The following PARD3 variants were observed in gnomAD, a reference collection of about 807,000 sequenced individuals.
PARD3 encodes par-3 family cell polarity regulator.
PARD3 carries 75 observed loss-of-function variants against 155.4 expected under a neutral mutation model. The ratio of observed to expected loss-of-function variants is 0.48; its 90% CI spans 0.40 to 0.58. The LOEUF (loss-of-function observed/expected upper bound fraction) is 0.58. Ranked by LOEUF, PARD3 falls within the 20% of genes least tolerant of loss-of-function variation. The pLI is 0.00. For synonymous variants in PARD3, 576 were observed against 610.5 expected (o/e 0.94, Z 0.83); for missense variants, 1,642 against 1,721.7 (o/e 0.95, Z 0.82).
chr10:34,268,093 A>T (rs1182018480), intron 22 of PARD3, among the ~76,000 whole-genome samples: 1 of 152,228 alleles, frequency 6.6e-6, no homozygotes, highest in African/African-American at 2.4e-5. Context: ...TTATTTGTGA[A>T]CTAAACTCCT....
At chr10:34,442,844 C>A (rs890783314) in intron 5 of PARD3, among the ~76,000 whole-genome samples, 34 of 152,178 alleles carry the variant, frequency 2.2e-4, no homozygotes, top group African/African-American at 8.2e-4. Context: ...GCACCCCAGT[C>A]TGGGCAACAG....
chr10:34,789,183 A>C (rs997749272), intron 1 of PARD3, among the ~76,000 whole-genome samples: 2 of 152,228 alleles, frequency 1.3e-5, no homozygotes, highest in East Asian at 1.9e-4. Flanking sequence ...TCCCAGCACT[A>C]CTGGAGGCCA....
chr10:34,663,209 TC>T (rs2093368237), intron 2 of PARD3, among the ~76,000 whole-genome samples: 1 of 152,128 alleles, frequency 6.6e-6, no homozygotes, highest in Non-Finnish European at 1.5e-5. Flanking sequence ...ATGCCTGTAA[TC>T]CTAGCACTTT....
At position 34,694,958 on chromosome 10, in the gene PARD3, G is replaced by A. The variant is rs1303309044; in HGVS notation, c.222+1360C>T. Among the ~76,000 whole-genome samples, 6 of 152,262 alleles carry A rather than the reference G, an allele frequency of 3.9e-5. No individual in the cohort carries two copies. The South Asian group carries it at 1.0e-3, about 26-fold the overall frequency. On this transcript the variant is annotated intron_variant, in intron 2 of 24. Coordinates refer to ENST00000374788, the MANE Select transcript of PARD3 (RefSeq NM_001184785.2). Reference sequence around the variant, plus strand: ...CTGAGGGAAAGAAGAGCAGGCCGGTGGGGAGAGGGCCAGGAATGAGAAGGA... The same window carrying A: ...CTGAGGGAAAGAAGAGCAGGCCGGTAGGGAGAGGGCCAGGAATGAGAAGGA...
In PARD3 at chr10:34,382,916, T is replaced by C; in HGVS notation, c.1023A>G (p.Gln341=). 1 of 1,613,804 alleles carries C rather than the reference T, an allele frequency of 6.2e-7. No individual in the cohort carries two copies. Among genetic ancestry groups the C allele is most frequent in the South Asian group, 1.1e-5 (1 of 90,926 alleles). ...DLRNRRFEQA[Q]HMFRQAMRTP... The stretch of plus-strand genomic sequence containing the variant: ...TACGCATGGCTTGGCGAAACATATG[T>C]TGTGCTCTGGGTTTGAGAAAGAATA... The change falls in exon 9 of 25, where the codon CAA becomes CAG. Residue 341 remains glutamine (Q), a synonymous_variant. Transcript: ENST00000374788.
intron 22 of PARD3, among the ~76,000 whole-genome samples, chr10:34,192,776 T>TATAA (rs1403898174): frequency 6.6e-6 from 1 of 152,140 alleles, no homozygotes; most frequent in East Asian, 1.9e-4. Context: ...ATCTGTGTTA[T>TATAA]CTCCAGGCTT....
At chr10:34,265,052 A>G (rs1433941897) in intron 22 of PARD3, among the ~76,000 whole-genome samples, 1 of 152,168 alleles carries the variant, frequency 6.6e-6, no homozygotes, top group Non-Finnish European at 1.5e-5. Context: ...TGCCCGGCCT[A>G]CGCCAACATT....
chr10:34,499,717 G>A (rs1019783977), intron 3 of PARD3, among the ~76,000 whole-genome samples: 4 of 152,160 alleles, frequency 2.6e-5, no homozygotes, highest in Admixed American at 2.0e-4. Context: ...AGCCAACTCT[G>A]CCCAAGACCA....
chr10:34,281,037 T>A (rs552438879), intron 21 of PARD3, among the ~76,000 whole-genome samples: 1 of 152,246 alleles, frequency 6.6e-6, no homozygotes, highest in East Asian at 1.9e-4. Flanking sequence ...CATGGAGGTA[T>A]CACTGGAGCA....
intron 3 of PARD3, among the ~76,000 whole-genome samples, chr10:34,485,337 CA>C (rs35292075): frequency 0.53 from 74,105 of 139,824 alleles, 21,759 homozygotes; most frequent in African/African-American, 0.85. Context: ...GACTCTGTCT[CA>C]AAAAAAAAAA....
intron 3 of PARD3, among the ~76,000 whole-genome samples, chr10:34,504,031 T>A (rs1305989138): frequency 6.6e-6 from 1 of 152,156 alleles, no homozygotes; most frequent in Non-Finnish European, 1.5e-5. Flanking sequence ...AAAAACGAGC[T>A]TTACTCTGGG....
At chr10:34,714,775 A>AAT (rs1310931073) in intron 1 of PARD3, among the ~76,000 whole-genome samples, 17 of 144,356 alleles carry the variant, frequency 1.2e-4, no homozygotes, top group Admixed American at 9.0e-4. Context: ...ACACATCAAA[A>AAT]TTTTTTTTTT....
intron 22 of PARD3, among the ~76,000 whole-genome samples, chr10:34,179,749 TA>T (rs1306750332): frequency 5.3e-5 from 8 of 152,082 alleles, no homozygotes; most frequent in Non-Finnish European, 5.9e-5. Context: ...GAGTCCAAGG[TA>T]AAAAAGCAAA....
chr10:34,664,615 A>G (rs2093405519), intron 2 of PARD3, among the ~76,000 whole-genome samples: 1 of 152,012 alleles, frequency 6.6e-6, no homozygotes, highest in Admixed American at 6.5e-5. Context: ...CCTCCTGGGT[A>G]GCTGGGATTA....
chr10:34,814,309 G>A (rs894818598), intron 1 of PARD3, among the ~76,000 whole-genome samples: 7 of 152,074 alleles, frequency 4.6e-5, no homozygotes, highest in South Asian at 4.1e-4. Flanking sequence ...GCCCCTGCCG[G>A]CCCCTACCAG....
chr10:34,335,140 C>T (rs185057469), intron 18 of PARD3, among the ~76,000 whole-genome samples: 1 of 151,864 alleles, frequency 6.6e-6, no homozygotes, highest in Non-Finnish European at 1.5e-5. Context: ...CTTTAGGTTT[C>T]ATAAGAACAA....
At chr10:34,525,724 GAAAAAA>G in intron 2 of PARD3, among the ~76,000 whole-genome samples, 1 of 147,294 alleles carries the variant, frequency 6.8e-6, no homozygotes, top group Non-Finnish European at 1.5e-5. Context: ...TTGCTTAAAA[GAAAAAA>G]AAAAGATTTT....
intron 4 of PARD3, among the ~76,000 whole-genome samples, chr10:34,454,583 T>C (rs1336977840): frequency 1.3e-5 from 2 of 152,072 alleles, no homozygotes; most frequent in African/African-American, 4.8e-5. Flanking sequence ...ATAAATTAAT[T>C]TGTTAGAGTT....
Position 34,611,290 on chromosome 10 carries a change from A to G in PARD3, c.222+85028T>C, listed in dbSNP as rs1257515888. On this transcript the variant is annotated intron_variant, in intron 2 of 24. Coordinates refer to ENST00000374788, the MANE Select transcript of PARD3 (RefSeq NM_001184785.2). ...TTCTACAACATAAGGTAACATACAT[A>G]TAAATAAATGTTTTCCATCACAACT... Among the ~76,000 whole-genome samples, 2 of 152,248 alleles carry G rather than the reference A, an allele frequency of 1.3e-5. 1 individual carries two copies. Among genetic ancestry groups the G allele is most frequent in the African/African-American group, 4.8e-5 (2 of 41,468 alleles).
Sources: gnomAD v4.1 joint callset for allele counts (sites outside exome capture counted in the v4.1 genomes callset) on GRCh38, gnomAD v4.1.1 for gene constraint, MANE v1.5 for transcripts, NCBI Gene and HGNC (gene_info 2026-07-23, HGNC 2026-07-21) for gene names.